Variants in GRM8 observed in about 807,000 individuals in gnomAD.
GRM8 encodes glutamate metabotropic receptor 8, also known as metabotropic glutamate receptor 8.
Under a neutral mutation model 87.2 loss-of-function variants are expected in GRM8, and 47 were observed. The ratio of observed to expected loss-of-function variants is 0.54; its 90% confidence interval spans 0.43 to 0.69. The LOEUF (loss-of-function observed/expected upper bound fraction) is 0.69, where lower values mean the gene tolerates loss of function less well. Among genes scored for constraint, GRM8 ranks in the 30% least tolerant of loss-of-function variants. The probability of loss-of-function intolerance (pLI) is 0.00; values close to 1 mark genes in which losing one functional copy is unlikely to be tolerated. For synonymous variants in GRM8, 396 were observed against 404.5 expected (o/e 0.98, Z 0.25); for missense variants, 1,019 against 1,139.2 (o/e 0.89, Z 1.52).
chr7:127,252,855 A>G lies in GRM8; in HGVS notation c.-370T>C, dbSNP rs777279688. ...CGCCGGGGGCCCGCAGCTCCATGTC[A>G]GCGCCGCCGCCGCCGCCGCCGCCGC... is the stretch of plus-strand genomic sequence containing the variant. On this transcript the variant is annotated 5_prime_UTR_variant, in exon 1 of 11. Transcript: ENST00000339582. This position sits in a 1 kb window ranked among gnomAD's most constrained non-coding sequence, Gnocchi z 4.9. The G allele has an allele frequency of 4.2e-3, 923 of 219,074 alleles. 1 individual carries two copies. The highest frequency in any genetic ancestry group is 6.3e-3 in the Non-Finnish European group (723 of 114,864). 13.6% of individuals were successfully genotyped at this position (219,074 alleles called of 1,614,324 possible). A position where few individuals can be genotyped will look rare whatever the true frequency, so the allele number is the denominator to read the frequency against.
At chr7:127,082,601 G>A (rs1822985997) in intron 3 of GRM8, among the ~76,000 whole-genome samples, 1 of 152,084 alleles carries the variant, frequency 6.6e-6, no homozygotes, top group Non-Finnish European at 1.5e-5. Flanking sequence ...TCTTCTAATG[G>A]AAAACTCTGA....
chr7:126,493,033 T>G (rs1204936153), intron 9 of GRM8, among the ~76,000 whole-genome samples: 1 of 152,036 alleles, frequency 6.6e-6, no homozygotes, highest in Admixed American at 6.6e-5. Context: ...TTGGATAAAG[T>G]TGAGAATTTT....
chr7:126,527,020 A>C (rs1813956140), intron 9 of GRM8, among the ~76,000 whole-genome samples: 1 of 152,218 alleles, frequency 6.6e-6, no homozygotes. Context: ...GGCACCGTTA[A>C]AAAGGATCTG....
At chr7:127,005,660 T>C (rs1427580190) in intron 3 of GRM8, among the ~76,000 whole-genome samples, 1 of 151,808 alleles carries the variant, frequency 6.6e-6, no homozygotes, top group African/African-American at 2.4e-5. Flanking sequence ...TAGTTCACTG[T>C]ATACCTCTCC....
intron 3 of GRM8, chr7:127,075,904 T>C: frequency 3.9e-6 from 1 of 253,878 alleles, no homozygotes; most frequent in Non-Finnish European, 7.9e-6. Flanking sequence ...GGCGAATGAC[T>C]CCCTATCTTA....
chr7:126,581,782 T>G (rs1428822883), intron 8 of GRM8, among the ~76,000 whole-genome samples: 1 of 152,150 alleles, frequency 6.6e-6, no homozygotes, highest in Non-Finnish European at 1.5e-5. Flanking sequence ...ATTATTATTA[T>G]ATCTGTTTTG....
intron 7 of GRM8, among the ~76,000 whole-genome samples, chr7:126,658,931 C>T (rs546293026): frequency 1.3e-5 from 2 of 151,898 alleles, no homozygotes; most frequent in Non-Finnish European, 2.9e-5. Flanking sequence ...TCACAGAGGC[C>T]GCAGCCTTGA....
At chr7:126,461,237 A>C (rs750344228) in intron 9 of GRM8, among the ~76,000 whole-genome samples, 2 of 151,514 alleles carry the variant, frequency 1.3e-5, no homozygotes, top group Admixed American at 1.3e-4. Flanking sequence ...TCCCAAAGTG[A>C]TGCAGCTCAG....
chr7:126,533,378 G>A lies in GRM8; in HGVS notation c.2004C>T (p.Thr668=). The A allele has an allele frequency of 6.2e-7, 1 of 1,613,896 alleles. No homozygotes were observed. Among genetic ancestry groups the A allele is most frequent in the Non-Finnish European group, 8.5e-7 (1 of 1,179,966 alleles). Residue 668 remains threonine, a synonymous_variant, in exon 9 of 11, where the codon ACC becomes ACT. Transcript: ENST00000339582. ...ATATTCGGTGGATACGGTTTGTTTTGGTCAGAAGGGCTGCATAGCTGAAAC... is the reference window on the plus strand; with the variant it reads ...ATATTCGGTGGATACGGTTTGTTTTAGTCAGAAGGGCTGCATAGCTGAAAC... ...GMCFSYAALL[T]KTNRIHRIFE... is the part of the protein sequence containing the mutation.
intron 2 of GRM8, among the ~76,000 whole-genome samples, chr7:127,120,483 T>C (rs1018430386): frequency 1.3e-5 from 2 of 152,186 alleles, no homozygotes; most frequent in Admixed American, 6.5e-5. Context: ...CTTAGAAATG[T>C]AGAATTTCAG....
intron 7 of GRM8, among the ~76,000 whole-genome samples, chr7:126,740,724 G>A (rs1814860159): frequency 6.6e-6 from 1 of 152,118 alleles, no homozygotes; most frequent in Non-Finnish European, 1.5e-5. Flanking sequence ...AATGTGCTGA[G>A]AGATTCCTCT....
At chr7:126,536,470 G>C (rs1815738900) in intron 8 of GRM8, among the ~76,000 whole-genome samples, 1 of 152,066 alleles carries the variant, frequency 6.6e-6, no homozygotes, top group African/African-American at 2.4e-5. Flanking sequence ...TGTCATCAGG[G>C]CATTTGAGAC....
intron 3 of GRM8, among the ~76,000 whole-genome samples, chr7:127,000,110 G>A (rs1278435066): frequency 6.6e-6 from 1 of 151,676 alleles, no homozygotes; most frequent in Non-Finnish European, 1.5e-5. Context: ...TGAGACTGGA[G>A]GTAATTATGT....
At chr7:126,937,382 G>A (rs1350943003) in intron 3 of GRM8, among the ~76,000 whole-genome samples, 2 of 152,184 alleles carry the variant, frequency 1.3e-5, no homozygotes, top group African/African-American at 4.8e-5. Context: ...AATTTTTGCG[G>A]GTATTACATT....
intron 7 of GRM8, among the ~76,000 whole-genome samples, chr7:126,735,134 C>T (rs1814053865): frequency 6.6e-6 from 1 of 151,990 alleles, no homozygotes; most frequent in Non-Finnish European, 1.5e-5. Flanking sequence ...GTTTAAATTG[C>T]TGTAGGGCAA....
intron 8 of GRM8, among the ~76,000 whole-genome samples, chr7:126,570,570 G>T (rs1794609919): frequency 6.6e-6 from 1 of 152,170 alleles, no homozygotes; most frequent in Admixed American, 6.6e-5. Flanking sequence ...GAATAATTTT[G>T]CACTAGTCCC....
chr7:127,048,015 G>A (rs1358681518), intron 3 of GRM8, among the ~76,000 whole-genome samples: 4 of 152,126 alleles, frequency 2.6e-5, no homozygotes, highest in African/African-American at 9.7e-5. Context: ...GCAAGGCACT[G>A]TTCTAGGTGT....
intron 3 of GRM8, among the ~76,000 whole-genome samples, chr7:126,928,126 C>T (rs1805337417): frequency 6.7e-6 from 1 of 149,490 alleles, no homozygotes; most frequent in Admixed American, 6.8e-5. Flanking sequence ...GGACAGAAAA[C>T]CAAACACTGC....
intron 3 of GRM8, among the ~76,000 whole-genome samples, chr7:127,025,047 C>T (rs1323385090): frequency 1.3e-5 from 2 of 152,054 alleles, no homozygotes; most frequent in African/African-American, 4.8e-5. Context: ...ATGTCAACTC[C>T]CCCTTCCTGA....
Sources: gnomAD v4.1 joint callset for allele counts (sites outside exome capture counted in the v4.1 genomes callset) on GRCh38, gnomAD v4.1.1 for gene constraint, Gnocchi (gnomAD v3.1) non-coding constraint, MANE v1.5 for transcripts, NCBI Gene and HGNC (gene_info 2026-07-23, HGNC 2026-07-21) for gene names.